Variants in SCAND3 observed in about 807,000 individuals in gnomAD.
The protein encoded by SCAND3 is SCAN domain-containing protein 3.
At chr6:28,586,232 C>G in the SCAND3 span, 2 of 1,365,694 alleles carry the variant, frequency 1.5e-6, no homozygotes, top group Non-Finnish European at 1.0e-6. The surrounding 1 kb of genome is among the most constrained non-coding windows in gnomAD (Gnocchi z 4.4). Flanking sequence ...GAAATTACTC[C>G]CATTACTCCA....
chr6:28,602,303 G>A, the SCAND3 span, among the ~76,000 whole-genome samples: 25 of 152,230 alleles, frequency 1.6e-4, no homozygotes, highest in Middle Eastern at 3.4e-3. Flanking sequence ...TTGGCCTCCC[G>A]GGTCAAGTGA....
At chr6:28,598,890 A>AG in the SCAND3 span, among the ~76,000 whole-genome samples, 30 of 149,110 alleles carry the variant, frequency 2.0e-4, no homozygotes, top group African/African-American at 5.6e-4. Flanking sequence ...AAAAAAAAAA[A>AG]AAAAGAAAAA....
chr6:28,589,356 T>A, the SCAND3 span: 88,478 of 152,006 alleles, frequency 0.58, 28,364 homozygotes, highest in African/African-American at 0.86. Flanking sequence ...ACGACTATAC[T>A]TACCTACTGT....
the SCAND3 span, among the ~76,000 whole-genome samples, chr6:28,612,974 A>G: frequency 1.3e-5 from 2 of 152,196 alleles, no homozygotes; most frequent in Non-Finnish European, 2.9e-5. Flanking sequence ...AAAATGGGTT[A>G]GTTTATTAAC....
At chr6:28,583,255 CG>C in the SCAND3 span, among the ~76,000 whole-genome samples, 1 of 151,668 alleles carries the variant, frequency 6.6e-6, no homozygotes, top group African/African-American at 2.4e-5. Context: ...TGGTGGCGGG[CG>C]CCTGTAGTCC....
the SCAND3 span, among the ~76,000 whole-genome samples, chr6:28,606,452 A>G: frequency 6.6e-6 from 1 of 152,080 alleles, no homozygotes; most frequent in Non-Finnish European, 1.5e-5. Flanking sequence ...ATGGTTTCCT[A>G]CAGATTGGTC....
the SCAND3 span, among the ~76,000 whole-genome samples, chr6:28,609,985 G>C: frequency 1.6e-3 from 236 of 152,242 alleles, no homozygotes; most frequent in African/African-American, 5.1e-3. Flanking sequence ...CAGTGCTTTG[G>C]GAGGTGAGGT....
chr6:28,607,428 A>T, the SCAND3 span, among the ~76,000 whole-genome samples: 1 of 152,222 alleles, frequency 6.6e-6, no homozygotes, highest in Admixed American at 6.5e-5. Flanking sequence ...TCGCAAATTA[A>T]TCAGCCTGGT....
the SCAND3 span, among the ~76,000 whole-genome samples, chr6:28,602,630 CAT>C: frequency 1.3e-5 from 2 of 152,192 alleles, no homozygotes; most frequent in East Asian, 3.8e-4. Flanking sequence ...GGGCCCAATT[CAT>C]ATGTGTATTA....
chr6:28,603,593 G>A, the SCAND3 span, among the ~76,000 whole-genome samples: 1 of 151,680 alleles, frequency 6.6e-6, no homozygotes, highest in Non-Finnish European at 1.5e-5. Flanking sequence ...TCCAATTTGG[G>A]AAATTTTCCA....
chr6:28,590,896 C>T, the SCAND3 span: 4 of 152,168 alleles, frequency 2.6e-5, no homozygotes, highest in African/African-American at 9.7e-5. Flanking sequence ...AGGGAAATAA[C>T]ATTTTCTTGT....
chr6:28,602,957 T>A, the SCAND3 span, among the ~76,000 whole-genome samples: 17 of 59,838 alleles, frequency 2.8e-4, no homozygotes, highest in South Asian at 1.6e-3. Context: ...CAAAAAAAAA[T>A]TTTTTTTTTT....
chr6:28,575,067 T>C, the SCAND3 span: 1 of 1,614,210 alleles, frequency 6.2e-7, no homozygotes. The surrounding 1 kb of genome is among the most constrained non-coding windows in gnomAD (Gnocchi z 4.2). Flanking sequence ...ATTCATTTTC[T>C]GTATGCAAGC....
the SCAND3 span, among the ~76,000 whole-genome samples, chr6:28,588,729 G>A: frequency 6.6e-6 from 1 of 152,016 alleles, no homozygotes; most frequent in African/African-American, 2.4e-5. This position sits in a 1 kb window ranked among gnomAD's most constrained non-coding sequence, Gnocchi z 4.1. Flanking sequence ...TTTTTGGTTT[G>A]TTTTAAACTT....
At chr6:28,603,173 C>A in the SCAND3 span, among the ~76,000 whole-genome samples, 5 of 151,788 alleles carry the variant, frequency 3.3e-5, no homozygotes, top group Non-Finnish European at 5.9e-5. Context: ...ACCGTGTTAG[C>A]CAGGGTGGTC....
chr6:28,614,914 C>T, the SCAND3 span, among the ~76,000 whole-genome samples: 1 of 152,182 alleles, frequency 6.6e-6, no homozygotes, highest in Non-Finnish European at 1.5e-5. Context: ...ACAATTTTCC[C>T]AAGGAATTTT....
the SCAND3 span, chr6:28,573,159 A>C: frequency 1.2e-6 from 2 of 1,613,416 alleles, no homozygotes; most frequent in Non-Finnish European, 1.7e-6. Flanking sequence ...TTATCATGTT[A>C]GCAATATCTC....
the SCAND3 span, chr6:28,587,520 T>C: frequency 6.6e-6 from 1 of 152,198 alleles, no homozygotes; most frequent in Non-Finnish European, 1.5e-5. Flanking sequence ...CTGGAGTAGA[T>C]GCTGCTGGTC....
chr6:28,589,724 C>T, the SCAND3 span: 6 of 152,260 alleles, frequency 3.9e-5, no homozygotes, highest in African/African-American at 1.4e-4. Flanking sequence ...AAACCCAATT[C>T]CTGTGATGGA....
Sources: gnomAD v4.1 joint callset for allele counts (sites outside exome capture counted in the v4.1 genomes callset) on GRCh38, gnomAD v4.1.1 for gene constraint, Gnocchi (gnomAD v3.1) non-coding constraint, MANE v1.5 for transcripts, NCBI Gene and HGNC (gene_info 2026-07-23, HGNC 2026-07-21) for gene names.